POFUT3: variants seen among roughly 807,000 people sequenced by gnomAD.
The protein encoded by POFUT3 is GDP-fucose protein O-fucosyltransferase 3.
At chr8:33,422,530 A>C in the POFUT3 span, among the ~76,000 whole-genome samples, 1 of 120,280 alleles carries the variant, frequency 8.3e-6, no homozygotes, top group Admixed American at 1.0e-4. Context: ...GGGCAACAAG[A>C]GCGAAACTCT....
the POFUT3 span, among the ~76,000 whole-genome samples, chr8:33,320,718 G>T: frequency 2.6e-5 from 4 of 152,010 alleles, no homozygotes; most frequent in Admixed American, 2.6e-4. Context: ...CTGAAGTGGA[G>T]CTTTAAACCA....
chr8:33,423,317 A>C, the POFUT3 span, among the ~76,000 whole-genome samples: 1,662 of 151,852 alleles, frequency 0.011, 34 homozygotes, highest in African/African-American at 0.036. Context: ...CACCCAAGCC[A>C]TGGTACAGTG....
chr8:33,442,540 T>C, the POFUT3 span, among the ~76,000 whole-genome samples: 2 of 151,956 alleles, frequency 1.3e-5, no homozygotes, highest in Non-Finnish European at 2.9e-5. Context: ...CACCTCAGCC[T>C]CCCAAAGTGC....
the POFUT3 span, among the ~76,000 whole-genome samples, chr8:33,398,609 T>C: frequency 6.6e-6 from 1 of 152,190 alleles, no homozygotes; most frequent in Non-Finnish European, 1.5e-5. Context: ...AAAATAACTA[T>C]TGAGTACTGG....
chr8:33,368,367 C>G, the POFUT3 span, among the ~76,000 whole-genome samples: 1 of 152,174 alleles, frequency 6.6e-6, no homozygotes, highest in African/African-American at 2.4e-5. Context: ...CTACCAGCAC[C>G]AATGGTGTTG....
chr8:33,454,856 C>T, the POFUT3 span, among the ~76,000 whole-genome samples: 6 of 151,880 alleles, frequency 4.0e-5, no homozygotes, highest in East Asian at 7.8e-4. Flanking sequence ...TTAGTAGAGA[C>T]GGGGTTTCAC....
chr8:33,391,686 C>T, the POFUT3 span, among the ~76,000 whole-genome samples: 1 of 152,198 alleles, frequency 6.6e-6, no homozygotes, highest in Non-Finnish European at 1.5e-5. Context: ...TACAGAGAAT[C>T]AAGGCCATTT....
chr8:33,335,146 A>T, the POFUT3 span, among the ~76,000 whole-genome samples: 1 of 115,430 alleles, frequency 8.7e-6, no homozygotes, highest in South Asian at 4.0e-4. Flanking sequence ...AGGAAAAAGA[A>T]ATATATGTGT....
At chr8:33,372,543 G>C in the POFUT3 span, 2 of 1,600,372 alleles carry the variant, frequency 1.2e-6, no homozygotes, top group Non-Finnish European at 1.7e-6. Context: ...CCTCAAGAAG[G>C]CTCTAGTCTG....
the POFUT3 span, chr8:33,453,298 G>T: frequency 6.2e-7 from 1 of 1,614,180 alleles, no homozygotes; most frequent in Non-Finnish European, 8.5e-7. Context: ...CTCCACATTG[G>T]CCTAACCTCC....
chr8:33,337,946 G>A, the POFUT3 span, among the ~76,000 whole-genome samples: 23 of 152,162 alleles, frequency 1.5e-4, no homozygotes, highest in Non-Finnish European at 3.1e-4. Context: ...TTCTCACTCG[G>A]TCTTTCCTTT....
the POFUT3 span, among the ~76,000 whole-genome samples, chr8:33,441,330 C>CAAA: frequency 1.4e-3 from 171 of 118,620 alleles, no homozygotes; most frequent in East Asian, 5.7e-3. Flanking sequence ...GACTCCATCT[C>CAAA]AAAAAAAAAA....
the POFUT3 span, among the ~76,000 whole-genome samples, chr8:33,317,020 A>C: frequency 3.3e-5 from 5 of 152,180 alleles, no homozygotes; most frequent in African/African-American, 1.2e-4. Context: ...CCCCTTCTTA[A>C]GGGCCTGCTG....
chr8:33,404,172 G>A, the POFUT3 span, among the ~76,000 whole-genome samples: 2 of 151,906 alleles, frequency 1.3e-5, no homozygotes, highest in East Asian at 3.9e-4. Flanking sequence ...ACCCCGTCTT[G>A]ACTAAAAATA....
the POFUT3 span, among the ~76,000 whole-genome samples, chr8:33,445,663 A>G: frequency 6.6e-6 from 1 of 152,156 alleles, no homozygotes; most frequent in African/African-American, 2.4e-5. Context: ...CCATTCTAGA[A>G]CTGAATGTTG....
chr8:33,451,066 A>ATGTGTGTGTG, the POFUT3 span, among the ~76,000 whole-genome samples: 587 of 148,102 alleles, frequency 4.0e-3, 1 homozygote, highest in Middle Eastern at 0.01. Context: ...AAGGAGGTGT[A>ATGTGTGTGTG]TGTGTGTGTG....
At chr8:33,309,377 T>TGTGTGTGTGTGTGTGTGTGTGTGTGTG in the POFUT3 span, among the ~76,000 whole-genome samples, 3 of 146,184 alleles carry the variant, frequency 2.1e-5, no homozygotes, top group African/African-American at 7.8e-5. Context: ...GTGTGTGTGT[T>TGTGTGTGTGTGTGTGTGTGTGTGTGTG]TTTCTCCCCT....
chr8:33,328,912 G>T, the POFUT3 span, among the ~76,000 whole-genome samples: 3 of 152,120 alleles, frequency 2.0e-5, no homozygotes, highest in Non-Finnish European at 4.4e-5. Flanking sequence ...CCATCCATCA[G>T]TAAAGACCCC....
At chr8:33,408,780 T>G in the POFUT3 span, among the ~76,000 whole-genome samples, 1 of 151,946 alleles carries the variant, frequency 6.6e-6, no homozygotes, top group Non-Finnish European at 1.5e-5. Context: ...AGGTCAGTGT[T>G]TTTTGGGGGT....
Sources: gnomAD v4.1 joint callset for allele counts (sites outside exome capture counted in the v4.1 genomes callset) on GRCh38, gnomAD v4.1.1 for gene constraint, MANE v1.5 for transcripts, NCBI Gene and HGNC (gene_info 2026-07-23, HGNC 2026-07-21) for gene names.